The following QTRT1 variants were observed in gnomAD, a reference collection of about 807,000 sequenced individuals.
QTRT1 encodes TGT, 43-KD subunit.
In QTRT1, 41 loss-of-function variants were observed where a neutral mutation model predicts 44.0. That is an observed-to-expected ratio of 0.93 (90% CI 0.73 to 1.21). QTRT1 has a LOEUF of 1.21. Ranked by LOEUF, QTRT1 falls within the 50% of genes most tolerant of loss-of-function variation. The pLI is 0.00. For missense variants in QTRT1, 542 were observed against 575.8 expected (o/e 0.94, Z 0.60); for synonymous variants, 226 against 237.1 (o/e 0.95, Z 0.43).
intron 3 of QTRT1, among the ~76,000 whole-genome samples, chr19:10,703,176 C>A (rs2068698394): frequency 1.3e-5 from 2 of 151,196 alleles, no homozygotes; most frequent in South Asian, 2.1e-4. Context: ...GATTCTCCTG[C>A]CTCAGCCTGC....
At position 10,712,016 on chromosome 19, in the gene QTRT1, C is replaced by T. The variant is rs201927577; in HGVS notation, c.647-145C>T. 7 of 1,000,616 alleles carry T rather than the reference C, an allele frequency of 7.0e-6. No homozygotes were observed. The highest frequency in any genetic ancestry group is 3.2e-5 in the African/African-American group (2 of 62,984). The allele number at this position is 1,000,616 out of a possible 1,614,324, so 62.0% of individuals were successfully genotyped here. On this transcript the variant is annotated intron_variant, in intron 5 of 9. Coordinates refer to ENST00000250237, the MANE Select transcript of QTRT1 (RefSeq NM_031209.3). This position sits in a 1 kb window ranked among gnomAD's most constrained non-coding sequence, Gnocchi z 5.6. ...CTGTCTCCCTCTCCGTCTCCCTCTC[C>T]GTCTCTGGCTCTGTCTGTCTGTCTC... is the stretch of plus-strand genomic sequence containing the variant.
intron 5 of QTRT1, 85 bp downstream of exon 5, chr19:10,707,700 A>G: frequency 2.0e-6 from 2 of 990,960 alleles, no homozygotes; most frequent in Middle Eastern, 2.3e-4. Flanking sequence ...CTGGATTGCT[A>G]ATGTGTAGAA....
intron 5 of QTRT1, among the ~76,000 whole-genome samples, chr19:10,710,481 C>T (rs917943285): frequency 2.0e-5 from 3 of 151,866 alleles, no homozygotes; most frequent in Admixed American, 6.6e-5. Flanking sequence ...CACGCCTGGC[C>T]AATTTTTGTA....
chr19:10,710,176 C>A lies in QTRT1; in HGVS notation c.647-1985C>A, dbSNP rs570333417. Among the ~76,000 whole-genome samples the A allele has an allele frequency of 7.9e-5, 12 of 151,548 alleles. No individual in the cohort carries two copies. In the East Asian group the frequency reaches 1.9e-3, roughly 24 times the overall value. On this transcript the variant is annotated intron_variant, in intron 5 of 9. Coordinates refer to ENST00000250237, the MANE Select transcript of QTRT1 (RefSeq NM_031209.3). Reference sequence around the variant, plus strand: ...CTGCAGTCTGGGTAACACAGTGAGACCCTGTCTCAAAAAAAAAGAAGAAAA... The same window carrying A: ...CTGCAGTCTGGGTAACACAGTGAGAACCTGTCTCAAAAAAAAAGAAGAAAA...
At chr19:10,705,194 C>T (rs1372828507) in intron 3 of QTRT1, among the ~76,000 whole-genome samples, 6 of 150,688 alleles carry the variant, frequency 4.0e-5, no homozygotes, top group Non-Finnish European at 7.4e-5. Flanking sequence ...GGATTACAGG[C>T]GTGAGCCACC....
chr19:10,708,588 C>T (rs2068725037), intron 5 of QTRT1, among the ~76,000 whole-genome samples: 1 of 152,028 alleles, frequency 6.6e-6, no homozygotes, highest in African/African-American at 2.4e-5. Context: ...TTACCTGCCC[C>T]AGCACAAACT....
chr19:10,713,346 G>T lies in QTRT1; in HGVS notation c.*76G>T, dbSNP rs904995043. On this transcript the variant is annotated 3_prime_UTR_variant, in exon 10 of 10. Transcript: ENST00000250237. This position sits in a 1 kb window ranked among gnomAD's most constrained non-coding sequence, Gnocchi z 4.3. ...ATACTGAAGGATTCCTTTTTGAAAG[G>T]TTTTTTTTATTGTAACTTACAGAGT... The T allele has an allele frequency of 3.8e-5, 59 of 1,537,718 alleles. No homozygotes were observed. The highest frequency in any genetic ancestry group is 6.8e-5 in the African/African-American group (5 of 73,210).
Position 10,712,214 on chromosome 19 carries a change from G to T in QTRT1, c.700G>T (p.Glu234Ter). ...CGCCATCGGGGGCCTGAGCGGGGGT[G>T]AGAGCAAGTCGCAGTTCTGGCGGAT... Reference protein sequence around the residue: ...GFAIGGLSGGESKSQFWRMVA... With the variant: ...GFAIGGLSGG The change falls in exon 6 of 10, where the codon GAG becomes TAG. Residue 234 changes from glutamate to a stop codon, truncating the protein, a stop_gained. Transcript: ENST00000250237. LOFTEE classifies it high-confidence loss of function. This position sits in a 1 kb window ranked among gnomAD's most constrained non-coding sequence, Gnocchi z 5.6. The T allele has an allele frequency of 6.2e-7, 1 of 1,614,028 alleles. No individual in the cohort carries two copies. Among genetic ancestry groups the T allele is most frequent in the Non-Finnish European group, 8.5e-7 (1 of 1,180,056 alleles).
intron 3 of QTRT1, among the ~76,000 whole-genome samples, chr19:10,705,208 C>T (rs1401033307): frequency 6.8e-6 from 1 of 146,976 alleles, no homozygotes; most frequent in Non-Finnish European, 1.5e-5. Context: ...AGCCACCGCA[C>T]CCAGCCCCAT....
At chr19:10,701,827 T>G (rs1406815223) in intron 1 of QTRT1, 123 bp from the exon 2 acceptor site, 1 of 1,572,164 alleles carries the variant, frequency 6.4e-7, no homozygotes, top group East Asian at 2.2e-5. Flanking sequence ...GCGCCCCCAA[T>G]GACCAGGCCT....
At chr19:10,704,979 G>A (rs2068706684) in intron 3 of QTRT1, among the ~76,000 whole-genome samples, 3 of 140,172 alleles carry the variant, frequency 2.1e-5, no homozygotes, top group Non-Finnish European at 4.6e-5. Flanking sequence ...GCAGTGGCTC[G>A]ATCTTGGCTC....
intron 3 of QTRT1, chr19:10,706,669 GT>G (rs1022446687): frequency 7.3e-4 from 96 of 130,744 alleles, no homozygotes; most frequent in Non-Finnish European, 8.4e-4. Flanking sequence ...CATCGCGCCT[GT>G]TTTTTTTTTT....
At chr19:10,707,034 A>T (rs1406902063) in intron 3 of QTRT1, among the ~76,000 whole-genome samples, 1 of 152,248 alleles carries the variant, frequency 6.6e-6, no homozygotes, top group African/African-American at 2.4e-5. Context: ...GTGGCACGCC[A>T]CATAGCAAGG....
rs572974407 is a variant in QTRT1, at chr19:10,701,444, T to C, written c.-17T>C. ...CGCCCACTGTGTGGTACGGCCCACG[T>C]GGTTCCGACAGTCAAGATGGCGGGA... On this transcript the variant is annotated 5_prime_UTR_variant, in exon 1 of 10. Transcript: ENST00000250237. 1.3e-6 allele frequency: 2 copies of C among 1,533,220 alleles called. No homozygotes were observed. Among genetic ancestry groups the C allele is most frequent in the East Asian group, 4.5e-5 (2 of 44,030 alleles). The allele number at this position is 1,533,220 out of a possible 1,614,324, so 95.0% of individuals were successfully genotyped here.
chr19:10,707,941 T>C (rs961439839), intron 5 of QTRT1, among the ~76,000 whole-genome samples: 5 of 151,458 alleles, frequency 3.3e-5, no homozygotes, highest in Non-Finnish European at 7.4e-5. Context: ...TATGTATTTA[T>C]TTATTTTACT....
chr19:10,707,751 G>A (rs1599394831), intron 5 of QTRT1, 136 bp downstream of exon 5: 9 of 578,772 alleles, frequency 1.6e-5, no homozygotes, highest in Admixed American at 6.2e-5. Flanking sequence ...AAAGGCTCTC[G>A]GGCCACGTGC....
At chr19:10,710,464 C>T (rs532054471) in intron 5 of QTRT1, among the ~76,000 whole-genome samples, 1 of 152,016 alleles carries the variant, frequency 6.6e-6, no homozygotes, top group South Asian at 2.1e-4. Context: ...TTACAGGCAC[C>T]AGCCACCACG....
In QTRT1 at chr19:10,710,386, G is replaced by A. The variant is rs529499320; in HGVS notation, c.647-1775G>A. 3.2e-4 allele frequency among the ~76,000 whole-genome samples: 48 copies of A among 151,778 alleles called. No homozygotes were observed. The South Asian group carries it at 7.1e-3, about 22-fold the overall frequency. ...GGCTGGAGTGCAGTGGCACCATCTC[G>A]GCTCACTGCAACCTCTGCCTTCTGG... On this transcript the variant is annotated intron_variant, in intron 5 of 9. Transcript: ENST00000250237.
At chr19:10,708,636 G>T (rs563543529) in intron 5 of QTRT1, among the ~76,000 whole-genome samples, 14 of 152,018 alleles carry the variant, frequency 9.2e-5, no homozygotes, top group Non-Finnish European at 1.8e-4. Context: ...CCCTTCCCAT[G>T]ATCCGACCAG....
Sources: gnomAD v4.1 joint callset for allele counts (sites outside exome capture counted in the v4.1 genomes callset) on GRCh38, gnomAD v4.1.1 for gene constraint, Gnocchi (gnomAD v3.1) non-coding constraint, MANE v1.5 for transcripts, NCBI Gene and HGNC (gene_info 2026-07-23, HGNC 2026-07-21) for gene names.